INTU: variants seen among roughly 807,000 people sequenced by gnomAD.
INTU encodes inturned planar cell polarity protein.
Under a neutral mutation model 100.5 loss-of-function variants are expected in INTU, and 68 were observed. The ratio of observed to expected loss-of-function variants is 0.68; its 90% confidence interval spans 0.56 to 0.83. The LOEUF is 0.83. Among genes scored for constraint, INTU ranks in the 40% least tolerant of loss-of-function variants. The pLI, the probability that INTU is intolerant of heterozygous loss-of-function variation, is 0.00. For synonymous variants in INTU, 357 were observed against 395.7 expected (o/e 0.90, Z 1.16); for missense variants, 1,071 against 1,114.7 (o/e 0.96, Z 0.56).
chr4:127,703,142 T>A (rs1042820476), intron 9 of INTU, among the ~76,000 whole-genome samples: 2 of 152,194 alleles, frequency 1.3e-5, no homozygotes, highest in African/African-American at 2.4e-5. Context: ...TTAAGATTCA[T>A]TCCTGCTATT....
chr4:127,691,980 A>ATATATATATATATGTGTG (rs971919620), intron 8 of INTU, among the ~76,000 whole-genome samples: 3 of 143,360 alleles, frequency 2.1e-5, no homozygotes, highest in African/African-American at 7.9e-5. Context: ...ATATATATAT[A>ATATATATATATATGTGTG]TGTCACATTT....
At chr4:127,671,341 A>G (rs1454515198) in intron 5 of INTU, among the ~76,000 whole-genome samples, 2 of 152,014 alleles carry the variant, frequency 1.3e-5, no homozygotes, top group African/African-American at 2.4e-5. Flanking sequence ...AGACATACAA[A>G]TGGATAACGT....
At chr4:127,641,763 A>G (rs1002567125) in intron 1 of INTU, among the ~76,000 whole-genome samples, 4 of 152,200 alleles carry the variant, frequency 2.6e-5, no homozygotes, top group Non-Finnish European at 5.9e-5. Context: ...GGTACTTACC[A>G]TAGTTCCTGG....
rs1309626963 is a variant in INTU, at chr4:127,720,358, C to A, written c.*3922C>A. On this transcript the variant is annotated 3_prime_UTR_variant, in exon 16 of 16. Coordinates refer to ENST00000335251, the MANE Select transcript of INTU (RefSeq NM_015693.4). ...TGATCTGAGAGACTGTTTGTTATTA[C>A]TTCAGTTCTTTAGCATTTGCTGAGG... 6.6e-6 allele frequency: 1 copy of A among 152,060 alleles called. No individual in the cohort carries two copies. Among genetic ancestry groups the A allele is most frequent in the African/African-American group, 2.4e-5 (1 of 41,424 alleles). 9.4% of individuals were successfully genotyped at this position (152,060 alleles called of 1,614,324 possible). A position where few individuals can be genotyped will look rare whatever the true frequency, so the allele number is the denominator to read the frequency against.
intron 3 of INTU, among the ~76,000 whole-genome samples, chr4:127,659,246 C>T (rs1728367727): frequency 6.6e-6 from 1 of 152,128 alleles, no homozygotes; most frequent in South Asian, 2.1e-4. Context: ...TAGGAGATAC[C>T]TGCTGAAGTA....
At chr4:127,679,684 A>C (rs1261374987) in intron 6 of INTU, among the ~76,000 whole-genome samples, 1 of 152,008 alleles carries the variant, frequency 6.6e-6, no homozygotes, top group African/African-American at 2.4e-5. Flanking sequence ...TAACATCACA[A>C]TTAAAAGAAC....
At chr4:127,643,405 T>G in intron 1 of INTU, 116 bp from the exon 2 acceptor site, 1 of 673,206 alleles carries the variant, frequency 1.5e-6, no homozygotes, top group Non-Finnish European at 2.5e-6. Flanking sequence ...TAAAGAAGTT[T>G]CACCCTTTCC....
At chr4:127,699,864 A>G in intron 8 of INTU, 146 bp from the exon 9 acceptor site, 1 of 523,854 alleles carries the variant, frequency 1.9e-6, no homozygotes, top group East Asian at 3.1e-5. Flanking sequence ...AATATGTTCC[A>G]TTTTGAGACA....
chr4:127,707,110 A>G (rs1730915570), intron 12 of INTU, 141 bp downstream of exon 12: 3 of 1,037,724 alleles, frequency 2.9e-6, no homozygotes, highest in Non-Finnish European at 4.2e-6. Flanking sequence ...TGGCAAACCA[A>G]TGATTTTGAA....
chr4:127,644,101 G>T, intron 2 of INTU, 45 bp downstream of exon 2: 1 of 1,548,098 alleles, frequency 6.5e-7, no homozygotes, highest in South Asian at 1.2e-5. Flanking sequence ...CAGAGATCTT[G>T]ATTAATGATG....
At chr4:127,664,467 C>A (rs1210125822) in intron 4 of INTU, among the ~76,000 whole-genome samples, 2 of 151,868 alleles carry the variant, frequency 1.3e-5, no homozygotes, top group East Asian at 1.9e-4. Context: ...ATAGAAATCT[C>A]CCCCTCTGAT....
chr4:127,633,784 A>G (rs1021358274), intron 1 of INTU, among the ~76,000 whole-genome samples: 2 of 152,224 alleles, frequency 1.3e-5, no homozygotes, highest in African/African-American at 2.4e-5. Context: ...TTTAATTTTT[A>G]AAAATACAGA....
Position 127,669,249 on chromosome 4 carries a change from A to G in INTU, c.1091+95A>G, listed in dbSNP as rs10024724. ...AAACAAGTATCTGGTATACAAATAT[A>G]CTTGTATCTACAATGTATGTATTAT... On this transcript the variant is annotated intron_variant, in intron 5 of 15. Transcript: ENST00000335251. 0.013 allele frequency: 8,021 copies of G among 594,650 alleles called. 482 individuals carry two copies. Among genetic ancestry groups the G allele is most frequent in the African/African-American group, 0.13 (7,099 of 53,264 alleles). The allele number at this position is 594,650 out of a possible 1,614,324, so 36.8% of individuals were successfully genotyped here.
chr4:127,650,319 C>G (rs1032377052), intron 2 of INTU, among the ~76,000 whole-genome samples: 1 of 151,096 alleles, frequency 6.6e-6, no homozygotes, highest in Non-Finnish European at 1.5e-5. Flanking sequence ...GTGCGCTGCA[C>G]CCACTAACTC....
At chr4:127,634,993 C>T (rs1454280889) in intron 1 of INTU, among the ~76,000 whole-genome samples, 2 of 152,146 alleles carry the variant, frequency 1.3e-5, no homozygotes, top group Non-Finnish European at 2.9e-5. Context: ...CATGAATTTC[C>T]TATTGTATTT....
intron 1 of INTU, among the ~76,000 whole-genome samples, chr4:127,636,174 C>T (rs563344973): frequency 3.9e-4 from 59 of 152,100 alleles, no homozygotes; most frequent in Middle Eastern, 3.4e-3. Flanking sequence ...GAGGCTGAGG[C>T]GGGAGGATCA....
chr4:127,693,090 G>A (rs1430686659), intron 8 of INTU, among the ~76,000 whole-genome samples: 3 of 151,968 alleles, frequency 2.0e-5, no homozygotes, highest in Admixed American at 1.3e-4. Flanking sequence ...ATTAATTTTA[G>A]GATTGGTTTT....
At chr4:127,696,530 C>T (rs544109897) in intron 8 of INTU, among the ~76,000 whole-genome samples, 1 of 151,728 alleles carries the variant, frequency 6.6e-6, no homozygotes, top group East Asian at 1.9e-4. Context: ...TAATGCCCCC[C>T]CCCTTTCATT....
At chr4:127,688,159 T>A (rs948600603) in intron 8 of INTU, among the ~76,000 whole-genome samples, 1 of 152,128 alleles carries the variant, frequency 6.6e-6, no homozygotes, top group African/African-American at 2.4e-5. Context: ...ATTTTGTGAC[T>A]TTGATTTTAT....
Sources: gnomAD v4.1 joint callset for allele counts (sites outside exome capture counted in the v4.1 genomes callset) on GRCh38, gnomAD v4.1.1 for gene constraint, MANE v1.5 for transcripts, NCBI Gene and HGNC (gene_info 2026-07-23, HGNC 2026-07-21) for gene names.